The following ADGB variants were observed in gnomAD, a reference collection of about 807,000 sequenced individuals.
The protein encoded by ADGB is androglobin.
A neutral mutation model predicts 210.5 loss-of-function variants in ADGB; 172 were observed. The ratio of observed to expected loss-of-function variants is 0.82; its 90% CI spans 0.72 to 0.93. The LOEUF (loss-of-function observed/expected upper bound fraction) is 0.93. Among genes scored for constraint, ADGB ranks in the 40% least tolerant of loss-of-function variants. The pLI is 0.00. For synonymous variants in ADGB, 658 were observed against 662.7 expected, an observed-to-expected ratio of 0.99 and a Z score of 0.11; for missense variants, 2,025 against 1,964.8, an observed-to-expected ratio of 1.03 and a Z score of -0.58.
intron 33 of ADGB, among the ~76,000 whole-genome samples, chr6:146,795,559 T>C (rs1778028339): frequency 6.6e-6 from 1 of 152,034 alleles, no homozygotes; most frequent in Admixed American, 6.6e-5. Context: ...AAAAGCTCAA[T>C]GTCACTGATC....
At chr6:146,764,565 A>T (rs1479663333) in intron 28 of ADGB, among the ~76,000 whole-genome samples, 1 of 152,190 alleles carries the variant, frequency 6.6e-6, no homozygotes, top group Admixed American at 6.6e-5. Flanking sequence ...AAATAAGTTT[A>T]AATTAAATTA....
At chr6:146,644,247 G>C (rs1209007528) in intron 2 of ADGB, among the ~76,000 whole-genome samples, 1 of 151,752 alleles carries the variant, frequency 6.6e-6, no homozygotes, top group Non-Finnish European at 1.5e-5. Context: ...TCATACAGTT[G>C]TATATGAATC....
At chr6:146,743,035 A>T (rs1777181805) in intron 25 of ADGB, among the ~76,000 whole-genome samples, 1 of 152,226 alleles carries the variant, frequency 6.6e-6, no homozygotes, top group Admixed American at 6.5e-5. Flanking sequence ...CTTGGGTTAA[A>T]CCAAACTACA....
chr6:146,773,822 TG>T (rs1300855325), intron 29 of ADGB, among the ~76,000 whole-genome samples: 1 of 152,202 alleles, frequency 6.6e-6, no homozygotes. Flanking sequence ...TTGATGGTAC[TG>T]GTAGTAACTG....
chr6:146,623,615 G>GA (rs1184998227), intron 1 of ADGB, among the ~76,000 whole-genome samples: 2 of 151,886 alleles, frequency 1.3e-5, no homozygotes, highest in Admixed American at 1.3e-4. Flanking sequence ...TTTCTACATA[G>GA]TTACAATCAT....
chr6:146,769,470 T>G (rs259423), intron 29 of ADGB, among the ~76,000 whole-genome samples: 116,533 of 151,988 alleles, frequency 0.77, 44,833 homozygotes, highest in Admixed American at 0.82. Flanking sequence ...GCCCATATTT[T>G]TTGAGAATAT....
intron 17 of ADGB, among the ~76,000 whole-genome samples, chr6:146,723,123 CTTG>C (rs1425792825): frequency 3.3e-5 from 5 of 152,126 alleles, no homozygotes; most frequent in South Asian, 2.1e-4. Flanking sequence ...CTAGAAAATA[CTTG>C]TTGTATAATA....
chr6:146,613,054 T>C (rs1780736190), intron 1 of ADGB, among the ~76,000 whole-genome samples: 1 of 152,244 alleles, frequency 6.6e-6, no homozygotes, highest in Non-Finnish European at 1.5e-5. Context: ...TGTTTTAAAC[T>C]TTGTTATAAG....
chr6:146,709,834 C>G (rs764256494), intron 13 of ADGB, among the ~76,000 whole-genome samples: 38 of 152,260 alleles, frequency 2.5e-4, no homozygotes, highest in Non-Finnish European at 4.7e-4. Flanking sequence ...GTCCTTACTA[C>G]CTTCTTCAAT....
chr6:146,605,142 A>G (rs1047155401), intron 1 of ADGB, among the ~76,000 whole-genome samples: 7 of 152,220 alleles, frequency 4.6e-5, no homozygotes, highest in African/African-American at 9.6e-5. Context: ...TCAAATATCA[A>G]AATGGTGATT....
chr6:146,738,819 C>A (rs930112911), intron 23 of ADGB, among the ~76,000 whole-genome samples: 2 of 151,972 alleles, frequency 1.3e-5, no homozygotes, highest in Non-Finnish European at 2.9e-5. Flanking sequence ...GAGAACAGAC[C>A]CTCTTATACA....
intron 1 of ADGB, among the ~76,000 whole-genome samples, chr6:146,601,271 T>C (rs1251036795): frequency 6.6e-6 from 1 of 152,126 alleles, no homozygotes; most frequent in Non-Finnish European, 1.5e-5. Context: ...TTCTAGAAAA[T>C]ATCTGAATTA....
In ADGB at chr6:146,692,838, G is replaced by C; in HGVS notation, c.1500G>C (p.Lys500Asn). 6.6e-7 allele frequency: 1 copy of C among 1,526,636 alleles called. No homozygotes were observed. Among genetic ancestry groups the C allele is most frequent in the Non-Finnish European group, 8.8e-7 (1 of 1,133,406 alleles). The allele number at this position is 1,526,636 out of a possible 1,614,324, so 94.6% of individuals were successfully genotyped here. Residue 500 changes from lysine to asparagine, a missense_variant, in exon 12 of 36, where the codon AAG becomes AAC. By Grantham distance (94) the Lys-to-Asn change is moderately conservative (BLOSUM62 0). Coordinates refer to ENST00000397944, the MANE Select transcript of ADGB (RefSeq NM_024694.4). Reference sequence around the variant, plus strand: ...GCTACTTTTTAGAGTTAATAGTAAAGAAGCCTGAACGGTTCCTTGAGATTT... The same window carrying C: ...GCTACTTTTTAGAGTTAATAGTAAACAAGCCTGAACGGTTCCTTGAGATTT... Reference protein sequence around the residue: ...ITDEAQELIVKKPERFLEISS... With the variant: ...ITDEAQELIVNKPERFLEISS...
At chr6:146,698,038 A>G (rs560250555) in intron 12 of ADGB, among the ~76,000 whole-genome samples, 1 of 152,192 alleles carries the variant, frequency 6.6e-6, no homozygotes, top group Admixed American at 6.6e-5. Context: ...GAACAATTTT[A>G]AAAAGCAATA....
At chr6:146,604,680 G>A (rs1683267315) in intron 1 of ADGB, among the ~76,000 whole-genome samples, 1 of 152,104 alleles carries the variant, frequency 6.6e-6, no homozygotes, top group South Asian at 2.1e-4. Flanking sequence ...GTCACTGGTA[G>A]GCCCCAGATA....
At chr6:146,726,606 C>T (rs1347781562) in intron 19 of ADGB, among the ~76,000 whole-genome samples, 3 of 152,042 alleles carry the variant, frequency 2.0e-5, no homozygotes, top group Non-Finnish European at 4.4e-5. Context: ...CTTTTTTTAC[C>T]TTTTAAAACT....
chr6:146,811,762 C>G (rs900869762), intron 35 of ADGB, among the ~76,000 whole-genome samples: 3 of 152,150 alleles, frequency 2.0e-5, no homozygotes, highest in African/African-American at 7.2e-5. Flanking sequence ...ACCTCCACCT[C>G]CCAGGTTCAA....
Position 146,717,582 on chromosome 6 carries a change from CA to C in ADGB, c.1980del (p.Lys660AsnfsTer17). The C allele has an allele frequency of 7.1e-7, 1 of 1,407,016 alleles. No homozygotes were observed. The highest frequency in any genetic ancestry group is 9.6e-7 in the Non-Finnish European group (1 of 1,036,772). 87.2% of individuals were successfully genotyped at this position (1,407,016 alleles called of 1,614,324 possible). A position where few individuals can be genotyped will look rare whatever the true frequency, so the allele number is the denominator to read the frequency against. On this transcript the variant is annotated frameshift_variant, in exon 16 of 36. Transcript: ENST00000397944. LOFTEE classifies it high-confidence loss of function. ...GCCAAGTTCATATTGCCTTAACTTT[CA>C]AAAATCAGAATTTAAGGTAAGTATG... The part of the protein sequence containing the change: ...HKPSSYCLNF[Q>X]KSEFKFSEER...
At chr6:146,737,390 A>G (rs1777095529) in intron 23 of ADGB, among the ~76,000 whole-genome samples, 1 of 152,186 alleles carries the variant, frequency 6.6e-6, no homozygotes, top group Non-Finnish European at 1.5e-5. Flanking sequence ...AAGTGAAGCT[A>G]AGAGAAAATG....
Sources: gnomAD v4.1 joint callset for allele counts (sites outside exome capture counted in the v4.1 genomes callset) on GRCh38, gnomAD v4.1.1 for gene constraint, MANE v1.5 for transcripts, NCBI Gene and HGNC (gene_info 2026-07-23, HGNC 2026-07-21) for gene names.